The following KANK1 variants were observed in gnomAD, a reference collection of about 807,000 sequenced individuals.
The protein encoded by KANK1 is KN motif and ankyrin repeat domain-containing protein 1.
A neutral mutation model predicts 106.2 loss-of-function variants in KANK1; 109 were observed. That is an observed-to-expected ratio of 1.03 (90% CI 0.88 to 1.20). The LOEUF (loss-of-function observed/expected upper bound fraction) is 1.20. KANK1 is among the 50% of genes most tolerant of loss of function. The pLI, the probability that KANK1 is intolerant of heterozygous loss-of-function variation, is 0.00. For synonymous variants in KANK1, 873 were observed against 652.2 expected (o/e 1.34, Z -5.16); for missense variants, 2,399 against 1,710.7 (o/e 1.40, Z -7.10).
intron 1 of KANK1, among the ~76,000 whole-genome samples, chr9:504,976 A>C (rs980217027): frequency 6.7e-6 from 1 of 149,732 alleles, no homozygotes; most frequent in Admixed American, 6.6e-5. Flanking sequence ...GGGGTCCGAG[A>C]GGTGGCGTCG....
chr9:536,272 G>C (rs2060295730), intron 1 of KANK1, among the ~76,000 whole-genome samples: 1 of 152,130 alleles, frequency 6.6e-6, no homozygotes, highest in Non-Finnish European at 1.5e-5. Flanking sequence ...AACCCAGGAG[G>C]CAGAGTTTGC....
In KANK1 at chr9:600,383, C is replaced by G. The variant is rs186191731; in HGVS notation, c.-83-76507C>G. Among the ~76,000 whole-genome samples the G allele has an allele frequency of 1.3e-5, 2 of 151,880 alleles. 1 individual carries two copies. The highest frequency in any genetic ancestry group is 4.9e-5 in the African/African-American group (2 of 41,218). On this transcript the variant is annotated intron_variant, in intron 1 of 11. Transcript: ENST00000382297. ...GTCCAAATTTCATTCCTTTCTAAGG[C>G]TGAATAATATTCCATTGTAGCATCA... is the stretch of plus-strand genomic sequence containing the variant.
At chr9:514,215 C>T (rs1267166852) in intron 1 of KANK1, among the ~76,000 whole-genome samples, 6 of 92,140 alleles carry the variant, frequency 6.5e-5, no homozygotes, top group Admixed American at 1.8e-4. Context: ...TCTCTCCCTC[C>T]CTCCCTTCCT....
intron 1 of KANK1, among the ~76,000 whole-genome samples, chr9:534,066 G>T (rs182756453): frequency 8.5e-5 from 13 of 152,318 alleles, no homozygotes; most frequent in South Asian, 2.1e-4. Flanking sequence ...GGGAGAAAGG[G>T]GGGGGCAGAA....
rs772959931 is a variant in KANK1 at position 732,618 on chromosome 9, G to C, written c.3245+1G>C. The C allele has an allele frequency of 1.2e-6, 2 of 1,613,188 alleles. No individual in the cohort carries two copies. Among genetic ancestry groups the C allele is most frequent in the African/African-American group, 2.7e-5 (2 of 74,910 alleles). ...CTGAGAAGGTGGAAATCAGAGAGAG[G>C]TGTGGTACATTCCCCTTCCCTCCCT... On this transcript the variant is annotated splice_donor_variant, in intron 6 of 11. Coordinates refer to ENST00000382297, the MANE Select transcript of KANK1 (RefSeq NM_015158.5). LOFTEE classifies it high-confidence loss of function.
At chr9:510,291 T>C (rs1317876067) in intron 1 of KANK1, among the ~76,000 whole-genome samples, 2 of 152,186 alleles carry the variant, frequency 1.3e-5, no homozygotes, top group African/African-American at 2.4e-5. Flanking sequence ...TATGGTCCTG[T>C]TTACAAAGGT....
chr9:626,635 A>G (rs139578980), intron 1 of KANK1, among the ~76,000 whole-genome samples: 91 of 152,336 alleles, frequency 6.0e-4, no homozygotes, highest in African/African-American at 2.0e-3. Context: ...CCCCAGCCCT[A>G]TTTGGCCTCA....
Position 648,129 on chromosome 9 carries a change from G to T in KANK1, c.-83-28761G>T, listed in dbSNP as rs537389101. Among the ~76,000 whole-genome samples the T allele has an allele frequency of 1.8e-3, 260 of 147,854 alleles. 4 individuals are homozygous for T. The highest frequency in any genetic ancestry group is 1.8e-3 in the Non-Finnish European group (125 of 67,766). On this transcript the variant is annotated intron_variant, in intron 1 of 11. Transcript: ENST00000382297. ...AGCAATTCTCCTGCCTCAGCCTCCC[G>T]AGTAGCTGGGACCACAGGCACACAC...
At chr9:533,100 T>A (rs770219538) in intron 1 of KANK1, among the ~76,000 whole-genome samples, 1 of 152,186 alleles carries the variant, frequency 6.6e-6, no homozygotes, top group Non-Finnish European at 1.5e-5. Context: ...CATGGAGATA[T>A]TGTGACTTAT....
chr9:602,145 A>G (rs551997468), intron 1 of KANK1, among the ~76,000 whole-genome samples: 2 of 152,098 alleles, frequency 1.3e-5, no homozygotes, highest in South Asian at 4.1e-4. Flanking sequence ...TTTTTGTGGA[A>G]AAATACTTTT....
At chr9:493,983 A>G (rs1172672705) in intron 3 of KANK1, among the ~76,000 whole-genome samples, 2 of 152,002 alleles carry the variant, frequency 1.3e-5, no homozygotes, top group Non-Finnish European at 2.9e-5. Context: ...CCCGGGTTCA[A>G]GCGATTCTCC....
At chr9:734,876 G>C (rs1171477960) in intron 7 of KANK1, 41 bp downstream of exon 7, 1 of 1,428,088 alleles carries the variant, frequency 7.0e-7, no homozygotes, top group Non-Finnish European at 9.9e-7. Context: ...TGTGTACAAA[G>C]TGCATGAGTG....
chr9:627,672 G>A (rs10491596), intron 1 of KANK1, among the ~76,000 whole-genome samples: 23,500 of 152,160 alleles, frequency 0.15, 1,990 homozygotes, highest in Admixed American at 0.18. Flanking sequence ...ATTCCAGCTC[G>A]TATCTTGGTT....
chr9:725,557 C>G (rs553400081), intron 3 of KANK1, among the ~76,000 whole-genome samples: 83 of 151,314 alleles, frequency 5.5e-4, no homozygotes, highest in African/African-American at 1.7e-3. Context: ...TTTTTGCCAG[C>G]TCTCACTCTT....
chr9:667,346 T>G (rs772578522), intron 1 of KANK1, among the ~76,000 whole-genome samples: 2 of 151,226 alleles, frequency 1.3e-5, no homozygotes, highest in Non-Finnish European at 2.9e-5. Context: ...GTTTTGTCAG[T>G]TTTTTTTTAA....
chr9:539,769 G>C (rs2060490738), intron 1 of KANK1: 1 of 152,202 alleles, frequency 6.6e-6, no homozygotes, highest in East Asian at 1.9e-4. Context: ...TTACAGGTGT[G>C]AACCATTGCA....
At chr9:583,542 T>A (rs1228564247) in intron 1 of KANK1, among the ~76,000 whole-genome samples, 1 of 152,082 alleles carries the variant, frequency 6.6e-6, no homozygotes, top group Non-Finnish European at 1.5e-5. Context: ...AGTATCCTTC[T>A]ATGAAGGATC....
In KANK1 at chr9:612,035, G is replaced by A. The variant is rs1225677557; in HGVS notation, c.-83-64855G>A. On this transcript the variant is annotated intron_variant, in intron 1 of 11. Transcript: ENST00000382297. ...GCCCGGCCGACCATCTAACTCTTATGTGCCCTTGCCTGTACATATAAAAGT... is the reference window on the plus strand; with the variant it reads ...GCCCGGCCGACCATCTAACTCTTATATGCCCTTGCCTGTACATATAAAAGT... Among the ~76,000 whole-genome samples, 6 of 152,258 alleles carry A rather than the reference G, an allele frequency of 3.9e-5. No individual in the cohort carries two copies. The East Asian group carries it at 1.2e-3, about 29-fold the overall frequency.
At chr9:523,903 T>G (rs2059664624) in intron 1 of KANK1, among the ~76,000 whole-genome samples, 1 of 151,696 alleles carries the variant, frequency 6.6e-6, no homozygotes, top group Non-Finnish European at 1.5e-5. Flanking sequence ...CATATCCCAG[T>G]AGAATACGGG....
Sources: allele counts gnomAD v4.1 joint callset (sites outside exome capture counted in the v4.1 genomes callset), GRCh38; gene constraint gnomAD v4.1.1; transcripts MANE v1.5; gene names NCBI Gene and HGNC (gene_info 2026-07-23, HGNC 2026-07-21).